The following FER1L6 variants were observed in gnomAD, a reference collection of about 807,000 sequenced individuals.
The protein encoded by FER1L6 is fer-1-like protein 6.
In FER1L6, 177 loss-of-function variants were observed where a neutral mutation model predicts 219.2. The observed-to-expected ratio is 0.81, with a 90% CI of 0.71 to 0.91. FER1L6 has a LOEUF of 0.91. Among genes scored for constraint, FER1L6 ranks in the 40% least tolerant of loss-of-function variants. The probability of loss-of-function intolerance (pLI) is 0.00; values close to 1 mark genes in which losing one functional copy is unlikely to be tolerated. For synonymous variants in FER1L6, 768 were observed against 824.3 expected, an observed-to-expected ratio of 0.93 and a Z score of 1.17; for missense variants, 2,153 against 2,259.9, an observed-to-expected ratio of 0.95 and a Z score of 0.96.
intron 2 of FER1L6, among the ~76,000 whole-genome samples, chr8:123,957,166 A>G (rs137961124): frequency 9.2e-5 from 14 of 152,338 alleles, no homozygotes; most frequent in Admixed American, 4.6e-4. Flanking sequence ...TCCTGTAGCC[A>G]TATGTTGTAC....
intron 1 of FER1L6, among the ~76,000 whole-genome samples, chr8:123,877,278 C>T (rs1297476615): frequency 6.6e-6 from 1 of 152,192 alleles, no homozygotes; most frequent in Non-Finnish European, 1.5e-5. Context: ...TCTTTTTGTT[C>T]ACCACCACAG....
chr8:124,116,343 G>A (rs529397091), intron 39 of FER1L6, among the ~76,000 whole-genome samples: 12 of 151,634 alleles, frequency 7.9e-5, no homozygotes, highest in African/African-American at 2.9e-4. Context: ...AAGTGCGATA[G>A]CCAAAAAGGG....
chr8:124,120,004 C>T lies in FER1L6; in HGVS notation c.*214C>T. ...AAGGCATGTTTTATCCCTTGGGCAG[C>T]ATGAAATAAGGCACTTTCACCTCAT... On this transcript the variant is annotated 3_prime_UTR_variant, in exon 41 of 41. Coordinates refer to ENST00000522917, the MANE Select transcript of FER1L6 (RefSeq NM_001039112.2). 2.2e-6 allele frequency: 1 copy of T among 446,380 alleles called. No homozygotes were observed. Among genetic ancestry groups the T allele is most frequent in the Non-Finnish European group, 3.9e-6 (1 of 257,666 alleles). 27.7% of individuals were successfully genotyped at this position (446,380 alleles called of 1,614,324 possible).
rs1250369744 is a variant in FER1L6, at chr8:124,021,656, T to G, written c.2120T>G (p.Phe707Cys). ...EAQNFVEKIR[F>C]LVDEPQHTIP... ...CAAAACTTTGTGGAAAAAATCCGCT[T>G]TCTTGTTGATGAGGTAACTGACTCT... The change falls in exon 17 of 41, where the codon TTT becomes TGT. Residue 707 changes from phenylalanine (F) to cysteine (C), a missense_variant. Physicochemically the swap from Phe to Cys is radical, Grantham distance 205 (BLOSUM62 -2). Transcript: ENST00000522917. 1 of 1,614,156 alleles carries G rather than the reference T, an allele frequency of 6.2e-7. No individual in the cohort carries two copies.
At chr8:123,995,099 G>A (rs1179689403) in intron 12 of FER1L6, among the ~76,000 whole-genome samples, 1 of 152,122 alleles carries the variant, frequency 6.6e-6, no homozygotes, top group African/African-American at 2.4e-5. Flanking sequence ...TCTTTCAGAG[G>A]GTCTGTAGTT....
chr8:123,960,427 A>G (rs1386138256), intron 2 of FER1L6, among the ~76,000 whole-genome samples: 2 of 152,228 alleles, frequency 1.3e-5, no homozygotes, highest in Admixed American at 6.5e-5. Context: ...GGAAAATGTT[A>G]TAAGGGTTAT....
chr8:124,076,469 C>T, intron 32 of FER1L6, 144 bp downstream of exon 32: 1 of 765,282 alleles, frequency 1.3e-6, no homozygotes. Context: ...TTGGTAATAA[C>T]CAACCAAACC....
At chr8:123,975,391 G>A (rs960712338) in intron 8 of FER1L6, 85 bp downstream of exon 8, 4 of 1,284,960 alleles carry the variant, frequency 3.1e-6, no homozygotes, top group African/African-American at 1.5e-5. Context: ...TTTTCTTATG[G>A]GTACATGAGA....
At chr8:124,118,968 C>T (rs1823365843) in intron 40 of FER1L6, 24 bp downstream of exon 40, 1 of 1,585,410 alleles carries the variant, frequency 6.3e-7, no homozygotes, top group Non-Finnish European at 8.7e-7. Context: ...CTAGTGGGAA[C>T]ATCAGAAATG....
intron 1 of FER1L6, among the ~76,000 whole-genome samples, chr8:123,868,079 TTG>T (rs1816866575): frequency 6.6e-6 from 1 of 152,224 alleles, no homozygotes; most frequent in East Asian, 1.9e-4. Context: ...GACATTGTAT[TTG>T]TGAGATTTCT....
chr8:123,895,295 G>C (rs973043837), intron 1 of FER1L6, among the ~76,000 whole-genome samples: 1 of 152,218 alleles, frequency 6.6e-6, no homozygotes, highest in African/African-American at 2.4e-5. Context: ...CTTGAGAGAT[G>C]TGACAACAAA....
At chr8:123,980,838 C>T in intron 11 of FER1L6, 27 bp downstream of exon 11, 1 of 1,570,734 alleles carries the variant, frequency 6.4e-7, no homozygotes, top group Non-Finnish European at 8.7e-7. Context: ...CATTATGGTA[C>T]TTTACCTATG....
intron 18 of FER1L6, among the ~76,000 whole-genome samples, chr8:124,029,041 G>A (rs1378379451): frequency 2.0e-5 from 3 of 152,156 alleles, no homozygotes; most frequent in Non-Finnish European, 4.4e-5. Context: ...TTGGTTTTCT[G>A]TTCCTGTGTT....
intron 1 of FER1L6, among the ~76,000 whole-genome samples, chr8:123,916,114 T>C (rs1243245854): frequency 6.6e-6 from 1 of 152,186 alleles, no homozygotes; most frequent in African/African-American, 2.4e-5. Context: ...AAAGCTGCCT[T>C]CTGCAGGCAG....
At chr8:123,902,482 C>T (rs1342006526) in intron 1 of FER1L6, among the ~76,000 whole-genome samples, 1 of 152,122 alleles carries the variant, frequency 6.6e-6, no homozygotes. Context: ...ATAAATTTGG[C>T]AGCTCCAGTG....
chr8:123,927,398 C>T (rs1399670593), intron 1 of FER1L6, among the ~76,000 whole-genome samples: 1 of 152,184 alleles, frequency 6.6e-6, no homozygotes, highest in Non-Finnish European at 1.5e-5. Context: ...TCTAATGAAG[C>T]TGCTCAACAA....
At chr8:123,960,634 C>T (rs781522017) in intron 2 of FER1L6, among the ~76,000 whole-genome samples, 4 of 152,078 alleles carry the variant, frequency 2.6e-5, no homozygotes, top group Non-Finnish European at 5.9e-5. Flanking sequence ...AATCACAGGC[C>T]CCACTCCTTC....
In FER1L6 at chr8:124,031,156, C is replaced by A. The variant is rs557316796; in HGVS notation, c.2287-4121C>A. On this transcript the variant is annotated intron_variant, in intron 18 of 40. Coordinates refer to ENST00000522917, the MANE Select transcript of FER1L6 (RefSeq NM_001039112.2). Reference sequence around the variant, plus strand: ...GAGAGTGGGGAAGCAGGTGTAGGAGCCAAGGGAGAGCTTTCCCTTGGCCCT... The same window carrying A: ...GAGAGTGGGGAAGCAGGTGTAGGAGACAAGGGAGAGCTTTCCCTTGGCCCT... Among the ~76,000 whole-genome samples the A allele has an allele frequency of 3.0e-4, 46 of 151,996 alleles. 1 individual carries two copies. The highest frequency in any genetic ancestry group is 1.9e-3 in the East Asian group (10 of 5,144).
At chr8:124,066,126 C>T (rs1820819858) in intron 26 of FER1L6, among the ~76,000 whole-genome samples, 2 of 152,194 alleles carry the variant, frequency 1.3e-5, no homozygotes, top group Non-Finnish European at 2.9e-5. Flanking sequence ...TCATTTGTTG[C>T]ATGCCTAGCT....
Sources: allele counts gnomAD v4.1 joint callset (sites outside exome capture counted in the v4.1 genomes callset), GRCh38; gene constraint gnomAD v4.1.1; transcripts MANE v1.5; gene names NCBI Gene and HGNC (gene_info 2026-07-23, HGNC 2026-07-21).